ERC2: variants seen among roughly 807,000 people sequenced by gnomAD.
ERC2 encodes ERC protein 2.
Under a neutral mutation model 114.8 loss-of-function variants are expected in ERC2, and 42 were observed. The ratio of observed to expected loss-of-function variants is 0.37; its 90% CI spans 0.29 to 0.47. The LOEUF is 0.47. Among genes scored for constraint, ERC2 ranks in the 20% least tolerant of loss-of-function variants. ERC2 has a pLI of 0.99. For synonymous variants in ERC2, 454 were observed against 425.5 expected (o/e 1.07, Z -0.82); for missense variants, 939 against 1,150.7 (o/e 0.82, Z 2.66).
chr3:56,158,302 C>T (rs1319915182), intron 4 of ERC2, among the ~76,000 whole-genome samples: 2 of 152,048 alleles, frequency 1.3e-5, no homozygotes, highest in African/African-American at 2.4e-5. Flanking sequence ...CCATAGACCT[C>T]CTGAGACTTG....
chr3:55,958,984 G>A (rs374504934), intron 12 of ERC2, among the ~76,000 whole-genome samples: 10 of 152,232 alleles, frequency 6.6e-5, no homozygotes, highest in African/African-American at 2.4e-4. Context: ...CTTGGATCCC[G>A]CTGGACCCAC....
intron 14 of ERC2, among the ~76,000 whole-genome samples, chr3:55,782,215 C>G (rs2069114967): frequency 6.6e-6 from 1 of 152,162 alleles, no homozygotes; most frequent in Non-Finnish European, 1.5e-5. Flanking sequence ...GGCCGACATT[C>G]TTGCTGTCAT....
At chr3:56,379,594 C>G (rs2059673065) in intron 2 of ERC2, among the ~76,000 whole-genome samples, 1 of 152,138 alleles carries the variant, frequency 6.6e-6, no homozygotes, top group South Asian at 2.1e-4. Context: ...TCAACTCGAG[C>G]AGTCTGACTC....
intron 16 of ERC2, among the ~76,000 whole-genome samples, chr3:55,691,296 G>A (rs2148801378): frequency 1.3e-5 from 2 of 151,986 alleles, no homozygotes; most frequent in Admixed American, 1.3e-4. Context: ...AAGAAGTATT[G>A]GGAAAGAGGC....
intron 14 of ERC2, among the ~76,000 whole-genome samples, chr3:55,765,485 T>C (rs1283351541): frequency 6.6e-6 from 1 of 152,210 alleles, no homozygotes; most frequent in Non-Finnish European, 1.5e-5. Flanking sequence ...CTAAGAGAGC[T>C]ATTGTATTCC....
At chr3:56,098,510 C>T (rs992896998) in intron 6 of ERC2, among the ~76,000 whole-genome samples, 7 of 152,186 alleles carry the variant, frequency 4.6e-5, no homozygotes, top group East Asian at 3.9e-4. Context: ...AAAATATGTT[C>T]GTGTCCATTT....
chr3:55,977,371 T>TA (rs2069676846), intron 12 of ERC2, among the ~76,000 whole-genome samples: 2 of 86,454 alleles, frequency 2.3e-5, no homozygotes, highest in African/African-American at 8.8e-5. Flanking sequence ...AAGTGACAAA[T>TA]GTCAGATCAA....
chr3:55,809,313 C>T (rs2059625528), intron 14 of ERC2, among the ~76,000 whole-genome samples: 1 of 152,076 alleles, frequency 6.6e-6, no homozygotes. Context: ...CATTTGAGGA[C>T]ATCAGTCTAG....
chr3:55,827,069 T>C (rs772935719), intron 14 of ERC2, among the ~76,000 whole-genome samples: 32 of 152,358 alleles, frequency 2.1e-4, no homozygotes, highest in South Asian at 8.3e-4. Context: ...CAAAAGGAAG[T>C]AACACGGTCT....
chr3:56,177,735 G>A (rs1327416785), intron 3 of ERC2, among the ~76,000 whole-genome samples: 1 of 152,180 alleles, frequency 6.6e-6, no homozygotes, highest in Non-Finnish European at 1.5e-5. Flanking sequence ...CCCAGCCTGA[G>A]ACTTTGGGTA....
intron 15 of ERC2, among the ~76,000 whole-genome samples, chr3:55,733,528 T>C (rs1384607417): frequency 2.6e-5 from 1 of 37,820 alleles, no homozygotes; most frequent in Non-Finnish European, 6.6e-5. Flanking sequence ...TGTCTCTCAT[T>C]CTTTCTCTCT....
At chr3:56,373,678 T>C (rs1034456789) in intron 2 of ERC2, among the ~76,000 whole-genome samples, 1 of 152,228 alleles carries the variant, frequency 6.6e-6, no homozygotes, top group African/African-American at 2.4e-5. Context: ...ACCGTCTCTG[T>C]TGTAACTACT....
chr3:55,941,703 C>G (rs534182362), intron 13 of ERC2, among the ~76,000 whole-genome samples: 28 of 152,142 alleles, frequency 1.8e-4, no homozygotes, highest in Non-Finnish European at 3.1e-4. Context: ...CACTTGTTTT[C>G]CATCACAAGA....
chr3:55,776,259 CT>C (rs1207157786), intron 14 of ERC2, among the ~76,000 whole-genome samples: 2 of 152,022 alleles, frequency 1.3e-5, no homozygotes, highest in African/African-American at 4.8e-5. Context: ...TCCTGGAAAT[CT>C]CAAGAAGCGG....
intron 3 of ERC2, among the ~76,000 whole-genome samples, chr3:56,265,018 T>C (rs2053199649): frequency 6.6e-6 from 1 of 152,170 alleles, no homozygotes; most frequent in South Asian, 2.1e-4. Flanking sequence ...ATTGTCAAAC[T>C]ATCCATACTA....
rs187178287 is a variant in ERC2, at chr3:56,201,796, T to C, written c.1075-28276A>G. On this transcript the variant is annotated intron_variant, in intron 3 of 17. Transcript: ENST00000288221. ...ATAAAAGGTTAAGAATATGCTCTTA[T>C]TCATAATAAAATAGTTCCCATGGAA... 1.4e-3 allele frequency among the ~76,000 whole-genome samples: 212 copies of C among 152,326 alleles called. 3 individuals are homozygous for C. Among genetic ancestry groups the C allele is most frequent in the Admixed American group, 0.012 (178 of 15,298 alleles).
chr3:56,123,365 T>C (rs2079692380), intron 6 of ERC2, among the ~76,000 whole-genome samples: 1 of 151,824 alleles, frequency 6.6e-6, no homozygotes, highest in African/African-American at 2.4e-5. Context: ...GTGCCATCTG[T>C]GAACCAGAAA....
chr3:56,260,829 T>C (rs2052870490), intron 3 of ERC2, among the ~76,000 whole-genome samples: 2 of 152,218 alleles, frequency 1.3e-5, no homozygotes, highest in Non-Finnish European at 2.9e-5. Context: ...ATTCTCAGAA[T>C]GCCAATTTGA....
At chr3:56,313,484 T>C (rs2056719843) in intron 2 of ERC2, among the ~76,000 whole-genome samples, 1 of 152,182 alleles carries the variant, frequency 6.6e-6, no homozygotes, top group Non-Finnish European at 1.5e-5. Context: ...GCTAGGCTAG[T>C]TAATATTCTT....
Sources: allele counts gnomAD v4.1 joint callset (sites outside exome capture counted in the v4.1 genomes callset), GRCh38; gene constraint gnomAD v4.1.1; transcripts MANE v1.5; gene names NCBI Gene and HGNC (gene_info 2026-07-23, HGNC 2026-07-21).